The following SLC16A9 variants were observed in gnomAD, a reference collection of about 807,000 sequenced individuals.
SLC16A9 encodes monocarboxylate transporter 9.
A neutral mutation model predicts 44.3 loss-of-function variants in SLC16A9; 26 were observed. That is an observed-to-expected ratio of 0.59 (90% CI 0.43 to 0.81). SLC16A9 has a LOEUF of 0.81. Among genes scored for constraint, SLC16A9 ranks in the 40% least tolerant of loss-of-function variants. The pLI, the probability that SLC16A9 is intolerant of heterozygous loss-of-function variation, is 0.00. For synonymous variants in SLC16A9, 230 were observed against 225.1 expected (o/e 1.02, Z -0.19); for missense variants, 559 against 595.8 (o/e 0.94, Z 0.64).
Position 59,684,246 on chromosome 10 carries a change from C to A in SLC16A9, c.46G>T (p.Val16Leu), listed in dbSNP as rs192393809. 4.3e-6 allele frequency: 7 copies of A among 1,613,974 alleles called. No homozygotes were observed. In the African/African-American group the frequency reaches 9.3e-5, roughly 22 times the overall value. ...AACTGAGTAAGGAAGGAGACAAACA[C>A]AATCACCCAGCCCCATCCACCGTCA... ...SPDGGWGWVI[V>L]FVSFLTQFLC... is the part of the protein sequence containing the mutation. The change falls in exon 2 of 6, where the codon GTG becomes TTG. Residue 16 changes from valine to leucine, a missense_variant. By Grantham distance (32) the Val-to-Leu change is conservative. Coordinates refer to ENST00000395348, the MANE Select transcript of SLC16A9 (RefSeq NM_194298.3).
At chr10:59,695,815 A>G (rs1468710791) in intron 1 of SLC16A9, among the ~76,000 whole-genome samples, 2 of 152,220 alleles carry the variant, frequency 1.3e-5, no homozygotes, top group East Asian at 1.9e-4. Context: ...TCCGAGGTCA[A>G]CATCAGTGTC....
At chr10:59,685,255 A>C (rs1840106469) in intron 1 of SLC16A9, among the ~76,000 whole-genome samples, 1 of 152,224 alleles carries the variant, frequency 6.6e-6, no homozygotes, top group African/African-American at 2.4e-5. Context: ...GGATGTATAC[A>C]TATGGCTGTA....
intron 1 of SLC16A9, among the ~76,000 whole-genome samples, chr10:59,687,316 A>C (rs1840156584): frequency 6.6e-6 from 1 of 152,242 alleles, no homozygotes; most frequent in Non-Finnish European, 1.5e-5. Context: ...GCCCTCAAAT[A>C]CCATGATGTT....
chr10:59,702,051 G>T (rs980347733), intron 1 of SLC16A9, among the ~76,000 whole-genome samples: 1 of 152,206 alleles, frequency 6.6e-6, no homozygotes, highest in African/African-American at 2.4e-5. Context: ...CATAGGGAAA[G>T]CTCAACAAAT....
intron 1 of SLC16A9, among the ~76,000 whole-genome samples, chr10:59,687,797 C>G (rs1199510073): frequency 6.6e-6 from 1 of 151,714 alleles, no homozygotes; most frequent in Non-Finnish European, 1.5e-5. Context: ...TCTATCTCTA[C>G]AAAAAAATAC....
rs11006658 is a variant in SLC16A9, at chr10:59,654,652, A to G, written c.437-63T>C. The G allele has an allele frequency of 6.4e-3, 8,583 of 1,342,538 alleles. 378 individuals are homozygous for G. In the African/African-American group the frequency reaches 0.1, roughly 16 times the overall value. The allele number at this position is 1,342,538 out of a possible 1,614,324, so 83.2% of individuals were successfully genotyped here. On this transcript the variant is annotated intron_variant, in intron 4 of 5. Coordinates refer to ENST00000395348, the MANE Select transcript of SLC16A9 (RefSeq NM_194298.3). ...GAGGCTCTCAGGATTAGAATTTGTA[A>G]TATCACAATTCAATTTATTTTTTAT...
At chr10:59,709,117 G>A (rs1380463718) in intron 1 of SLC16A9, among the ~76,000 whole-genome samples, 2 of 152,134 alleles carry the variant, frequency 1.3e-5, no homozygotes, top group Non-Finnish European at 2.9e-5. Flanking sequence ...ACCTCTCCCT[G>A]CTCTTCCACC....
intron 3 of SLC16A9, among the ~76,000 whole-genome samples, chr10:59,666,816 C>A (rs11006671): frequency 6.7e-6 from 1 of 149,644 alleles, no homozygotes; most frequent in Admixed American, 6.7e-5. Flanking sequence ...AATGAACCAA[C>A]GCTGGGAAAC....
chr10:59,653,441 A>AAAAAAAAAAAAAAAAC (rs1564693235), intron 5 of SLC16A9, among the ~76,000 whole-genome samples: 1 of 147,808 alleles, frequency 6.8e-6, no homozygotes, highest in Admixed American at 6.7e-5. Context: ...AAAAAAAAAA[A>AAAAAAAAAAAAAAAAC]AAAAGCAGGC....
chr10:59,671,839 T>C (rs1362510156), intron 3 of SLC16A9, among the ~76,000 whole-genome samples: 3 of 152,232 alleles, frequency 2.0e-5, no homozygotes, highest in East Asian at 1.9e-4. Flanking sequence ...TTTACTTCTC[T>C]GAGCTTCACT....
At chr10:59,676,626 A>G (rs1839862748) in intron 2 of SLC16A9, among the ~76,000 whole-genome samples, 1 of 152,204 alleles carries the variant, frequency 6.6e-6, no homozygotes, top group Non-Finnish European at 1.5e-5. Context: ...AAGATACTTT[A>G]AAAATATAAT....
At chr10:59,679,206 C>T (rs1165943971) in intron 2 of SLC16A9, among the ~76,000 whole-genome samples, 4 of 151,874 alleles carry the variant, frequency 2.6e-5, no homozygotes, top group African/African-American at 9.7e-5. Flanking sequence ...ACCACCGTTT[C>T]CTTGAATTTG....
At chr10:59,668,799 T>TA (rs1369944760) in intron 3 of SLC16A9, among the ~76,000 whole-genome samples, 1 of 150,812 alleles carries the variant, frequency 6.6e-6, no homozygotes, top group African/African-American at 2.4e-5. Flanking sequence ...CAGACTACAT[T>TA]AAAAAATCAT....
At chr10:59,708,648 G>A (rs1056293438) in intron 1 of SLC16A9, 25 of 152,306 alleles carry the variant, frequency 1.6e-4, no homozygotes, top group African/African-American at 5.8e-4. Flanking sequence ...CTAAACTTCG[G>A]GGATAGTTTG....
chr10:59,660,670 T>C (rs998061490), intron 4 of SLC16A9, among the ~76,000 whole-genome samples: 3 of 152,338 alleles, frequency 2.0e-5, no homozygotes, highest in Admixed American at 2.0e-4. Flanking sequence ...AGCATCATCC[T>C]GATACCAAAA....
chr10:59,701,359 A>T (rs1000750236), intron 1 of SLC16A9, among the ~76,000 whole-genome samples: 3 of 152,160 alleles, frequency 2.0e-5, no homozygotes, highest in Non-Finnish European at 2.9e-5. Flanking sequence ...CTGCTCCCAG[A>T]TCCATCTTCC....
In SLC16A9 at chr10:59,684,335, AAAAC is replaced by A. The variant is rs1175955091; in HGVS notation, c.-36-12_-36-9del. On this transcript the variant is annotated splice_polypyrimidine_tract_variant and intron_variant, in intron 1 of 5. Transcript: ENST00000395348. ...GGCGTTTCTCTGCAGGTCCTAAACA[AAAAC>A]AAACAGAAAAGAGAATCTTATTTAG... The A allele has an allele frequency of 6.6e-7, 1 of 1,521,918 alleles. No homozygotes were observed. The highest frequency in any genetic ancestry group is 1.4e-5 in the African/African-American group (1 of 72,740). The allele number at this position is 1,521,918 out of a possible 1,614,324, so 94.3% of individuals were successfully genotyped here.
rs370684670 is a variant in SLC16A9, at chr10:59,654,081, G to A, written c.945C>T (p.Leu315=). The change falls in exon 5 of 6, where the codon CTC becomes CTT. Residue 315 remains leucine (L), a synonymous_variant. Transcript: ENST00000395348. ...AAGGTGGAAACCCTCCGATGTCAAA[G>A]AGTAAGATAGCAATGAAAAGGGCTG... ...VFSALFIAIL[L]FDIGGFPPSL... is the part of the protein sequence containing the mutation. The A allele has an allele frequency of 3.7e-6, 6 of 1,613,956 alleles. No individual in the cohort carries two copies. In the Admixed American group the frequency reaches 5.0e-5, roughly 13 times the overall value.
intron 4 of SLC16A9, among the ~76,000 whole-genome samples, chr10:59,658,160 C>A (rs931642543): frequency 1.3e-5 from 2 of 152,146 alleles, no homozygotes; most frequent in Non-Finnish European, 2.9e-5. Flanking sequence ...TAACTTAACC[C>A]TTTCAATTTA....
Sources: gnomAD v4.1 joint callset for allele counts (sites outside exome capture counted in the v4.1 genomes callset) on GRCh38, gnomAD v4.1.1 for gene constraint, MANE v1.5 for transcripts, NCBI Gene and HGNC (gene_info 2026-07-23, HGNC 2026-07-21) for gene names.